LAMC1: variants seen among roughly 807,000 people sequenced by gnomAD.
The protein encoded by LAMC1 is laminin subunit gamma 1.
In LAMC1, 38 loss-of-function variants were observed where a neutral mutation model predicts 173.6. The observed-to-expected ratio is 0.22, with a 90% CI of 0.17 to 0.29. The LOEUF (loss-of-function observed/expected upper bound fraction) is 0.29. Among genes scored for constraint, LAMC1 ranks in the 10% least tolerant of loss-of-function variants. The pLI is 1.00. For missense variants in LAMC1, 1,824 were observed against 2,051.8 expected, an observed-to-expected ratio of 0.89 and a Z score of 2.14; for synonymous variants, 746 against 749.1, an observed-to-expected ratio of 1.00 and a Z score of 0.07.
At chr1:183,115,440 A>C in intron 5 of LAMC1, 80 bp from the exon 6 acceptor site, 1 of 904,918 alleles carries the variant, frequency 1.1e-6, no homozygotes, top group East Asian at 2.4e-5. Flanking sequence ...TTTAATTACC[A>C]GTTATCTTTC....
rs759691328 is a variant in LAMC1 at position 183,135,133 on chromosome 1, A to G, written c.4091A>G (p.Asn1364Ser). The G allele has an allele frequency of 3.7e-6, 6 of 1,612,966 alleles. No individual in the cohort carries two copies. Among genetic ancestry groups the G allele is most frequent in the Non-Finnish European group, 5.1e-6 (6 of 1,178,942 alleles). The stretch of plus-strand genomic sequence containing the variant: ...GGACGGGATACCTTACAAGAAGCTA[A>G]TGACATTCTCAACAACCTGAAAGGT... ...KKGRDTLQEA[N>S]DILNNLKDFD... The change falls in exon 24 of 28, where the codon AAT (asparagine) becomes AGT (serine). Residue 1364 changes from asparagine to serine, a missense_variant. Physicochemically the swap from Asn to Ser is conservative, Grantham distance 46. Transcript: ENST00000258341.
chr1:183,119,707 C>T (rs1656417004), intron 11 of LAMC1, among the ~76,000 whole-genome samples: 1 of 151,632 alleles, frequency 6.6e-6, no homozygotes. Flanking sequence ...TCCACTCCAG[C>T]CTGGACAATG....
chr1:183,027,074 C>T (rs1183875432), intron 1 of LAMC1, among the ~76,000 whole-genome samples: 1 of 152,078 alleles, frequency 6.6e-6, no homozygotes, highest in African/African-American at 2.4e-5. Flanking sequence ...TAACAGATGG[C>T]AAATACAAAT....
chr1:183,059,984 T>C (rs184472683), intron 1 of LAMC1, among the ~76,000 whole-genome samples: 104 of 152,250 alleles, frequency 6.8e-4, no homozygotes, highest in African/African-American at 2.4e-3. Context: ...GCAGCTGTTA[T>C]TGTTCTGGTA....
At chr1:183,058,503 G>A (rs1654657129) in intron 1 of LAMC1, among the ~76,000 whole-genome samples, 1 of 152,190 alleles carries the variant, frequency 6.6e-6, no homozygotes, top group South Asian at 2.1e-4. Flanking sequence ...CTGAAATGAA[G>A]AATGATGGAT....
intron 1 of LAMC1, among the ~76,000 whole-genome samples, chr1:183,088,796 G>A (rs1298424674): frequency 6.6e-6 from 1 of 152,196 alleles, no homozygotes; most frequent in Non-Finnish European, 1.5e-5. Context: ...GGGCTTGGAA[G>A]GGGTGAAGAC....
intron 1 of LAMC1, among the ~76,000 whole-genome samples, chr1:183,039,518 C>T (rs1654070684): frequency 6.6e-6 from 1 of 152,174 alleles, no homozygotes; most frequent in African/African-American, 2.4e-5. Flanking sequence ...ATCTGTAATG[C>T]AGCTGTAATA....
chr1:183,142,482 TC>T, intron 27 of LAMC1, 51 bp from the exon 28 acceptor site: 1 of 1,533,626 alleles, frequency 6.5e-7, no homozygotes, highest in Non-Finnish European at 8.8e-7. Flanking sequence ...TGTGAAGGGA[TC>T]ATTCTTACTG....
intron 5 of LAMC1, 57 bp downstream of exon 5, chr1:183,114,776 AAGGAAAG>A: frequency 6.5e-7 from 1 of 1,545,564 alleles, no homozygotes; most frequent in Non-Finnish European, 8.9e-7. Context: ...GACCCCCGGA[AAGGAAAG>A]CTTTGTTTCC....
At chr1:183,131,757 T>C (rs988735707) in intron 20 of LAMC1, among the ~76,000 whole-genome samples, 1 of 152,250 alleles carries the variant, frequency 6.6e-6, no homozygotes, top group Non-Finnish European at 1.5e-5. Context: ...AGGTAAATGA[T>C]TTCTTGCTGG....
intron 1 of LAMC1, among the ~76,000 whole-genome samples, chr1:183,102,924 G>A (rs1182805507): frequency 2.0e-5 from 3 of 152,076 alleles, no homozygotes; most frequent in Admixed American, 6.5e-5. Context: ...GTCTTAAAGG[G>A]CCTGGAGACC....
chr1:183,131,326 G>A lies in LAMC1; in HGVS notation c.3514G>A (p.Asp1172Asn), dbSNP rs1656780410. The A allele has an allele frequency of 1.2e-6, 2 of 1,613,830 alleles. No individual in the cohort carries two copies. The highest frequency in any genetic ancestry group is 2.7e-5 in the African/African-American group (2 of 74,864). The part of the protein sequence containing the change: ...VSVTQPESTG[D>N]PNNMTLLAEE... ...AGTCACTCAGCCAGAATCTACAGGG[G>A]ACCCAAACAACATGACTCTTTTGGC... The change falls in exon 20 of 28, where the codon GAC (aspartate) becomes AAC (asparagine). Residue 1172 changes from aspartate (D) to asparagine (N), a missense_variant. Physicochemically the swap from Asp to Asn is conservative, Grantham distance 23 (BLOSUM62 1). Coordinates refer to ENST00000258341, the MANE Select transcript of LAMC1 (RefSeq NM_002293.4).
intron 22 of LAMC1, 147 bp from the exon 23 acceptor site, chr1:183,134,513 T>C: frequency 1.7e-6 from 1 of 583,858 alleles, no homozygotes; most frequent in Non-Finnish European, 2.8e-6. Flanking sequence ...GTATATCTCA[T>C]TTTTTAAAAA....
chr1:183,046,630 A>AAATAAAACT (rs1257792098), intron 1 of LAMC1, among the ~76,000 whole-genome samples: 1 of 152,076 alleles, frequency 6.6e-6, no homozygotes. Context: ...TGGTATATAA[A>AAATAAAACT]AATAAAACTT....
intron 10 of LAMC1, 44 bp from the exon 11 acceptor site, chr1:183,117,990 A>G (rs1483621577): frequency 8.7e-7 from 1 of 1,144,006 alleles, no homozygotes; most frequent in East Asian, 2.3e-5. Flanking sequence ...CAACATCCAG[A>G]ATTGTCCTTA....
At chr1:183,136,686 G>T in intron 25 of LAMC1, 101 bp downstream of exon 25, 1 of 961,524 alleles carries the variant, frequency 1.0e-6, no homozygotes, top group Non-Finnish European at 1.5e-6. Context: ...TTTTTTTCCT[G>T]AACTTCAGTA....
intron 2 of LAMC1, among the ~76,000 whole-genome samples, chr1:183,104,923 G>C (rs537804448): frequency 1.3e-5 from 2 of 152,026 alleles, no homozygotes; most frequent in African/African-American, 4.8e-5. Flanking sequence ...AGATGAAAAA[G>C]CAGGGCCAGG....
chr1:183,126,347 A>G, intron 16 of LAMC1, 85 bp downstream of exon 16: 9 of 1,408,848 alleles, frequency 6.4e-6, no homozygotes, highest in Non-Finnish European at 8.8e-6. Context: ...TGACAGCCTC[A>G]GTCTAGCCAC....
At chr1:183,063,493 A>G (rs1428877009) in intron 1 of LAMC1, among the ~76,000 whole-genome samples, 1 of 152,228 alleles carries the variant, frequency 6.6e-6, no homozygotes, top group Non-Finnish European at 1.5e-5. Flanking sequence ...ATGACAGCCT[A>G]AATGGCGTTG....
Sources: allele counts gnomAD v4.1 joint callset (sites outside exome capture counted in the v4.1 genomes callset), GRCh38; gene constraint gnomAD v4.1.1; transcripts MANE v1.5; gene names NCBI Gene and HGNC (gene_info 2026-07-23, HGNC 2026-07-21).